TENT5D: variants seen among roughly 807,000 people sequenced by gnomAD.
TENT5D encodes cancer/testis antigen 112.
For synonymous variants in TENT5D, 103 were observed against 100.6 expected (o/e 1.02, Z -0.15); for missense variants, 191 against 287.0 (o/e 0.67, Z 2.42).
At chrX:80,377,577 A>G (rs986000039) in intron 3 of TENT5D, among the ~76,000 whole-genome samples, 3 of 111,801 alleles carry the variant, frequency 2.7e-5, no homozygotes, top group Non-Finnish European at 5.6e-5. Flanking sequence ...ATCATTTCTT[A>G]TGGCTGCATA....
intron 2 of TENT5D, among the ~76,000 whole-genome samples, chrX:80,336,343 C>G (rs1040534387): frequency 9.1e-6 from 1 of 110,366 alleles, no homozygotes; most frequent in African/African-American, 3.3e-5. Flanking sequence ...CAGACTGTTA[C>G]CCTAACTACA....
chrX:80,405,421 G>A (rs1453716057), intron 3 of TENT5D, among the ~76,000 whole-genome samples: 1 of 112,638 alleles, frequency 8.9e-6, no homozygotes, highest in Non-Finnish European at 1.9e-5. Flanking sequence ...CCGAAGCAGG[G>A]CGAGGCATTG....
chrX:80,372,841 C>A (rs1274772545), intron 3 of TENT5D, among the ~76,000 whole-genome samples: 1 of 104,449 alleles, frequency 9.6e-6, no homozygotes, highest in Non-Finnish European at 1.9e-5. Flanking sequence ...GAGCCAAGAT[C>A]TCACCACTGC....
intron 3 of TENT5D, among the ~76,000 whole-genome samples, chrX:80,345,475 G>A (rs1358454863): frequency 1.8e-5 from 2 of 111,139 alleles, no homozygotes; most frequent in Non-Finnish European, 3.8e-5. Context: ...TCATCACCTG[G>A]GGTCACAATC....
chrX:80,417,727 A>G (rs1348180396), upstream of TENT5D, among the ~76,000 whole-genome samples: 1 of 110,807 alleles, frequency 9.0e-6, no homozygotes, highest in Non-Finnish European at 1.9e-5. Context: ...CATTTTCTCT[A>G]GCTTCCTTTA....
At chrX:80,403,264 G>T (rs1015254831) in intron 3 of TENT5D, among the ~76,000 whole-genome samples, 1 of 111,919 alleles carries the variant, frequency 8.9e-6, no homozygotes, top group Admixed American at 9.5e-5. Context: ...AAATAGTCTG[G>T]TTTTTTCTTA....
chrX:80,347,358 A>G (rs754150016), intron 3 of TENT5D, among the ~76,000 whole-genome samples: 5 of 111,909 alleles, frequency 4.5e-5, no homozygotes, highest in Non-Finnish European at 7.5e-5. Flanking sequence ...CAGACTTTTT[A>G]ATGATGGCCA....
chrX:80,375,914 A>G (rs1191985549), intron 3 of TENT5D, among the ~76,000 whole-genome samples: 1 of 111,688 alleles, frequency 9.0e-6, no homozygotes, highest in Non-Finnish European at 1.9e-5. Flanking sequence ...GAAATGGAAT[A>G]CCTGCTTGTA....
At chrX:80,356,694 G>C (rs1282496897) in intron 3 of TENT5D, among the ~76,000 whole-genome samples, 1 of 111,577 alleles carries the variant, frequency 9.0e-6, no homozygotes, top group Non-Finnish European at 1.9e-5. Flanking sequence ...AGCAAGTTCT[G>C]TTTTATTAAT....
At chrX:80,429,481 T>G (rs2147564202) in intron 1 of TENT5D, among the ~76,000 whole-genome samples, 1 of 109,755 alleles carries the variant, frequency 9.1e-6, no homozygotes, top group East Asian at 2.9e-4. Flanking sequence ...TTTTTTTTTT[T>G]TAGTAGAGAC....
chrX:80,381,604 T>C (rs1930868389), intron 3 of TENT5D, among the ~76,000 whole-genome samples: 1 of 112,232 alleles, frequency 8.9e-6, no homozygotes. Context: ...CAATCAAATG[T>C]AGATTTGGTC....
At chrX:80,358,052 C>T (rs1408969513) in intron 3 of TENT5D, among the ~76,000 whole-genome samples, 3 of 111,503 alleles carry the variant, frequency 2.7e-5, no homozygotes, top group African/African-American at 9.8e-5. Flanking sequence ...CTGACAAAAA[C>T]AGGAAATGGG....
At chrX:80,362,946 C>A (rs1239776571) in intron 3 of TENT5D, among the ~76,000 whole-genome samples, 1 of 111,775 alleles carries the variant, frequency 8.9e-6, no homozygotes, top group Non-Finnish European at 1.9e-5. Context: ...GAATAAAAAT[C>A]TCAAACCTGT....
chrX:80,352,782 GC>G (rs1221986437), intron 3 of TENT5D, among the ~76,000 whole-genome samples: 1 of 106,506 alleles, frequency 9.4e-6, no homozygotes, highest in Non-Finnish European at 1.9e-5. Flanking sequence ...CTGAACAGCT[GC>G]CCAGTTTTGT....
intron 3 of TENT5D, among the ~76,000 whole-genome samples, chrX:80,364,415 G>A: frequency 9.0e-6 from 1 of 111,119 alleles, no homozygotes; most frequent in Non-Finnish European, 1.9e-5. Context: ...TCCATTATTA[G>A]TTCCTATGGA....
intron 3 of TENT5D, among the ~76,000 whole-genome samples, chrX:80,386,098 A>G (rs1432259541): frequency 1.8e-5 from 2 of 112,457 alleles, no homozygotes; most frequent in Non-Finnish European, 3.7e-5. Flanking sequence ...ATTATAAATC[A>G]TGCTGCTATA....
intron 3 of TENT5D, among the ~76,000 whole-genome samples, chrX:80,411,180 C>T (rs774044822): frequency 2.8e-5 from 3 of 107,098 alleles, no homozygotes; most frequent in African/African-American, 1.0e-4. Flanking sequence ...ACCAGCATGG[C>T]ACATGTATAC....
At chrX:80,368,223 C>G (rs772936556) in intron 3 of TENT5D, among the ~76,000 whole-genome samples, 1 of 111,664 alleles carries the variant, frequency 9.0e-6, no homozygotes, top group Admixed American at 9.5e-5. Flanking sequence ...TACATATTCC[C>G]TGGTTTGAGT....
chrX:80,375,340 C>T (rs891446563), intron 3 of TENT5D, among the ~76,000 whole-genome samples: 1 of 110,930 alleles, frequency 9.0e-6, no homozygotes, highest in Non-Finnish European at 1.9e-5. Context: ...GTTGACCTTT[C>T]GGGTGTATAT....
Sources: gnomAD v4.1 joint callset for allele counts (sites outside exome capture counted in the v4.1 genomes callset) on GRCh38, gnomAD v4.1.1 for gene constraint, MANE v1.5 for transcripts, NCBI Gene and HGNC (gene_info 2026-07-23, HGNC 2026-07-21) for gene names.